The following SDK1 variants were observed in gnomAD, a reference collection of about 807,000 sequenced individuals.
SDK1 encodes protein sidekick-1.
In SDK1, 157 loss-of-function variants were observed where a neutral mutation model predicts 245.5. The observed-to-expected ratio is 0.64, with a 90% CI of 0.56 to 0.73. The LOEUF (loss-of-function observed/expected upper bound fraction) is 0.73, where lower values mean the gene tolerates loss of function less well. Ranked by LOEUF, SDK1 falls within the 30% of genes least tolerant of loss-of-function variation. The pLI, the probability that SDK1 is intolerant of heterozygous loss-of-function variation, is 0.00. For missense variants in SDK1, 3,583 were observed against 3,002.3 expected, an observed-to-expected ratio of 1.19 and a Z score of -4.52; for synonymous variants, 1,647 against 1,278.5, an observed-to-expected ratio of 1.29 and a Z score of -6.15.
At chr7:3,358,374 T>A (rs1176820265) in intron 1 of SDK1, among the ~76,000 whole-genome samples, 1 of 152,082 alleles carries the variant, frequency 6.6e-6, no homozygotes, top group African/African-American at 2.4e-5. Context: ...TGTTTTAATA[T>A]GAAGTTGTTT....
At chr7:3,367,244 A>G (rs1401710134) in intron 1 of SDK1, among the ~76,000 whole-genome samples, 1 of 152,032 alleles carries the variant, frequency 6.6e-6, no homozygotes, top group East Asian at 1.9e-4. Flanking sequence ...TCATCGTTGT[A>G]ATTTCATGTG....
intron 22 of SDK1, among the ~76,000 whole-genome samples, chr7:4,106,935 C>T (rs1488945839): frequency 6.6e-6 from 1 of 151,810 alleles, no homozygotes; most frequent in South Asian, 2.1e-4. Context: ...TCAGGAAGCC[C>T]CCAGGCCTCA....
At chr7:4,023,169 C>T (rs1220341685) in intron 17 of SDK1, among the ~76,000 whole-genome samples, 1 of 152,102 alleles carries the variant, frequency 6.6e-6, no homozygotes, top group African/African-American at 2.4e-5. Flanking sequence ...CATGGGCTAG[C>T]ACCTTGGACA....
At chr7:3,688,475 A>G (rs753591723) in intron 4 of SDK1, among the ~76,000 whole-genome samples, 12 of 152,272 alleles carry the variant, frequency 7.9e-5, no homozygotes, top group Non-Finnish European at 1.3e-4. Context: ...TAAATGAGAT[A>G]ATTAACACAA....
At chr7:3,331,261 T>TG (rs2128550952) in intron 1 of SDK1, among the ~76,000 whole-genome samples, 1 of 152,186 alleles carries the variant, frequency 6.6e-6, no homozygotes, top group South Asian at 2.1e-4. Flanking sequence ...AGACTCTGTC[T>TG]GAAAAAAAGA....
chr7:3,345,671 GA>G (rs1290279891), intron 1 of SDK1, among the ~76,000 whole-genome samples: 1 of 152,314 alleles, frequency 6.6e-6, no homozygotes, highest in East Asian at 1.9e-4. Context: ...TGGCACGGCT[GA>G]AAAGACTCCT....
At chr7:4,139,300 T>C (rs964413498) in intron 28 of SDK1, among the ~76,000 whole-genome samples, 1 of 152,238 alleles carries the variant, frequency 6.6e-6, no homozygotes, top group African/African-American at 2.4e-5. Context: ...GGTTTTTTTT[T>C]CCTGCTTTTT....
chr7:3,364,943 C>G (rs1781050390), intron 1 of SDK1, among the ~76,000 whole-genome samples: 1 of 152,158 alleles, frequency 6.6e-6, no homozygotes, highest in Admixed American at 6.5e-5. Flanking sequence ...TTTCTTTCAT[C>G]AGCATTTTTA....
At chr7:3,710,135 A>G (rs1406662012) in intron 4 of SDK1, among the ~76,000 whole-genome samples, 2 of 152,202 alleles carry the variant, frequency 1.3e-5, no homozygotes, top group Non-Finnish European at 2.9e-5. Context: ...CAGGACAGAG[A>G]ATTGATTCTC....
At chr7:4,125,784 A>G (rs74687273) in intron 25 of SDK1, among the ~76,000 whole-genome samples, 4,177 of 152,276 alleles carry the variant, frequency 0.027, 195 homozygotes, top group African/African-American at 0.096. Flanking sequence ...ACAACTAGCT[A>G]TTGATCACCT....
In SDK1 at chr7:3,590,718, C is replaced by G. The variant is rs1780840020; in HGVS notation, c.299-28362C>G. 3.3e-5 allele frequency among the ~76,000 whole-genome samples: 5 copies of G among 151,872 alleles called. No individual in the cohort carries two copies. The South Asian group carries it at 1.0e-3, about 32-fold the overall frequency. On this transcript the variant is annotated intron_variant, in intron 1 of 44. Transcript: ENST00000404826. Reference sequence around the variant, plus strand: ...AGGGAAACCTTAAAAATACTGATAACAGAGCCTCACTGCTGGACCTTTAGA... The same window carrying G: ...AGGGAAACCTTAAAAATACTGATAAGAGAGCCTCACTGCTGGACCTTTAGA...
At chr7:4,152,238 C>T (rs1279276461) in intron 30 of SDK1, among the ~76,000 whole-genome samples, 1 of 152,170 alleles carries the variant, frequency 6.6e-6, no homozygotes, top group Non-Finnish European at 1.5e-5. Flanking sequence ...CTCACTTGCC[C>T]TTTGAGCTAC....
intron 4 of SDK1, among the ~76,000 whole-genome samples, chr7:3,768,695 C>T (rs1780325567): frequency 6.6e-6 from 1 of 152,248 alleles, no homozygotes; most frequent in African/African-American, 2.4e-5. Context: ...AGGTTTGGCA[C>T]AGAGCTGTAG....
At chr7:3,748,465 G>T (rs1258141216) in intron 4 of SDK1, among the ~76,000 whole-genome samples, 1 of 152,188 alleles carries the variant, frequency 6.6e-6, no homozygotes, top group Non-Finnish European at 1.5e-5. Flanking sequence ...TAAATGGCGA[G>T]TAGTCAGGTC....
chr7:4,183,276 C>T lies in SDK1; in HGVS notation c.5098+4690C>T, dbSNP rs751187118. ...ATAATAGTGATGTTATCTTTAGAAG[C>T]AACTGGGAAAGTCACTAATTTTGTG... On this transcript the variant is annotated intron_variant, in intron 35 of 44. Coordinates refer to ENST00000404826, the MANE Select transcript of SDK1 (RefSeq NM_152744.4). Among the ~76,000 whole-genome samples, 4 of 152,244 alleles carry T rather than the reference C, an allele frequency of 2.6e-5. 1 individual carries two copies. Among genetic ancestry groups the T allele is most frequent in the African/African-American group, 7.2e-5 (3 of 41,540 alleles).
At chr7:3,792,796 T>A (rs555953474) in intron 4 of SDK1, among the ~76,000 whole-genome samples, 1 of 152,284 alleles carries the variant, frequency 6.6e-6, no homozygotes, top group South Asian at 2.1e-4. Flanking sequence ...CCAACCCATT[T>A]GCTTCTCTGT....
At chr7:3,676,566 C>T (rs1283411226) in intron 4 of SDK1, among the ~76,000 whole-genome samples, 1 of 152,090 alleles carries the variant, frequency 6.6e-6, no homozygotes, top group Non-Finnish European at 1.5e-5. Context: ...ACCTTGTGAT[C>T]TGCCCACCTT....
intron 1 of SDK1, among the ~76,000 whole-genome samples, chr7:3,391,508 A>G (rs552023655): frequency 6.6e-6 from 1 of 152,106 alleles, no homozygotes; most frequent in African/African-American, 2.4e-5. Context: ...AGAATAAAAA[A>G]TTTCTTTCCA....
At chr7:3,617,211 T>C (rs1195415404) in intron 1 of SDK1, among the ~76,000 whole-genome samples, 1 of 152,250 alleles carries the variant, frequency 6.6e-6, no homozygotes, top group Non-Finnish European at 1.5e-5. Context: ...ATTGCTGATA[T>C]TAGTGTTATT....
Sources: allele counts gnomAD v4.1 joint callset (sites outside exome capture counted in the v4.1 genomes callset), GRCh38; gene constraint gnomAD v4.1.1; transcripts MANE v1.5; gene names NCBI Gene and HGNC (gene_info 2026-07-23, HGNC 2026-07-21).